The following KHDRBS2 variants were observed in gnomAD, a reference collection of about 807,000 sequenced individuals.
KHDRBS2 encodes the protein KH domain-containing, RNA-binding, signal transduction-associated protein 2.
Under a neutral mutation model 44.3 loss-of-function variants are expected in KHDRBS2, and 26 were observed. The ratio of observed to expected loss-of-function variants is 0.59; its 90% CI spans 0.43 to 0.81. The LOEUF (loss-of-function observed/expected upper bound fraction) is 0.81. Among genes scored for constraint, KHDRBS2 ranks in the 40% least tolerant of loss-of-function variants. The pLI is 0.00. For synonymous variants in KHDRBS2, 194 were observed against 151.1 expected (o/e 1.28, Z -2.08); for missense variants, 476 against 433.1 (o/e 1.10, Z -0.88).
At chr6:61,739,770 A>T (rs1775886871) in intron 6 of KHDRBS2, among the ~76,000 whole-genome samples, 1 of 151,942 alleles carries the variant, frequency 6.6e-6, no homozygotes, top group Non-Finnish European at 1.5e-5. Flanking sequence ...TAGCACTGAA[A>T]ACAGACTTGG....
chr6:62,217,630 T>A (rs1387355990), intron 1 of KHDRBS2, among the ~76,000 whole-genome samples: 13 of 151,864 alleles, frequency 8.6e-5, no homozygotes, highest in African/African-American at 3.1e-4. Context: ...TTAGGCTACA[T>A]TTTCTTGAAA....
intron 2 of KHDRBS2, among the ~76,000 whole-genome samples, chr6:62,109,750 G>C (rs1469869160): frequency 2.0e-5 from 3 of 149,206 alleles, no homozygotes; most frequent in East Asian, 3.9e-4. Flanking sequence ...GGGAGAAGAA[G>C]AAGGAGAAGG....
intron 6 of KHDRBS2, among the ~76,000 whole-genome samples, chr6:61,853,494 G>GACAAAA (rs1169804123): frequency 6.6e-6 from 1 of 152,094 alleles, no homozygotes; most frequent in Non-Finnish European, 1.5e-5. Context: ...ATCTTAATGA[G>GACAAAA]GACTTTTGTC....
chr6:61,663,184 G>T, the KHDRBS2 span, among the ~76,000 whole-genome samples: 1 of 143,570 alleles, frequency 7.0e-6, no homozygotes, highest in Non-Finnish European at 1.5e-5. Flanking sequence ...CTCACTCATA[G>T]GTGGGAATTG....
intron 4 of KHDRBS2, among the ~76,000 whole-genome samples, chr6:61,968,836 G>A (rs1403401136): frequency 6.6e-6 from 1 of 151,912 alleles, no homozygotes; most frequent in Non-Finnish European, 1.5e-5. Context: ...CTGGCCTTTA[G>A]TATCCTCACT....
chr6:61,967,441 TGATA>T lies in KHDRBS2; in HGVS notation c.483+10621_483+10624del, dbSNP rs796882973. Reference sequence around the variant, plus strand: ...CAGATAGATAGACAGATGGATAGATTGATAGATTGATATAGATATAGATAGATAT... The same window carrying T: ...CAGATAGATAGACAGATGGATAGATTGATTGATATAGATATAGATAGATAT... On this transcript the variant is annotated intron_variant, in intron 4 of 8. Transcript: ENST00000281156. 1.5e-4 allele frequency among the ~76,000 whole-genome samples: 23 copies of T among 151,984 alleles called. 1 individual carries two copies. The highest frequency in any genetic ancestry group is 4.6e-4 in the African/African-American group (19 of 41,512).
At chr6:61,979,593 C>G (rs1224904276) in intron 3 of KHDRBS2, among the ~76,000 whole-genome samples, 1 of 152,068 alleles carries the variant, frequency 6.6e-6, no homozygotes, top group Non-Finnish European at 1.5e-5. Flanking sequence ...TACCCTTCAC[C>G]TACTCAAATA....
chr6:61,627,248 G>A, the KHDRBS2 span, among the ~76,000 whole-genome samples: 36 of 59,236 alleles, frequency 6.1e-4, no homozygotes, highest in African/African-American at 2.1e-3. Flanking sequence ...GCGAGACTCC[G>A]TCTCAAAAAA....
At chr6:61,547,483 A>C in the KHDRBS2 span, among the ~76,000 whole-genome samples, 1 of 152,100 alleles carries the variant, frequency 6.6e-6, no homozygotes, top group Non-Finnish European at 1.5e-5. Flanking sequence ...GGACCCAGCT[A>C]ACAAATTTAA....
intron 1 of KHDRBS2, among the ~76,000 whole-genome samples, chr6:62,243,441 A>T (rs1479375378): frequency 2.0e-5 from 3 of 152,082 alleles, no homozygotes; most frequent in African/African-American, 7.2e-5. Context: ...ATCTAAAATC[A>T]AAATGATCAC....
chr6:61,946,629 A>T (rs1813419632), intron 4 of KHDRBS2, among the ~76,000 whole-genome samples: 1 of 152,156 alleles, frequency 6.6e-6, no homozygotes, highest in African/African-American at 2.4e-5. Context: ...TGGGCTAGAG[A>T]GGATAAGCCA....
chr6:61,824,030 A>AT (rs1171548186), intron 6 of KHDRBS2, among the ~76,000 whole-genome samples: 7 of 152,070 alleles, frequency 4.6e-5, no homozygotes, highest in South Asian at 2.1e-4. Context: ...CCAAAAGAAA[A>AT]TTTTTTAATT....
At chr6:61,818,022 T>C (rs1000717448) in intron 6 of KHDRBS2, among the ~76,000 whole-genome samples, 2 of 151,928 alleles carry the variant, frequency 1.3e-5, no homozygotes, top group African/African-American at 2.4e-5. Flanking sequence ...ACATCTCCCG[T>C]CTTAAAACCC....
chr6:61,906,176 G>C (rs962250281), intron 4 of KHDRBS2, among the ~76,000 whole-genome samples: 2 of 151,760 alleles, frequency 1.3e-5, no homozygotes, highest in African/African-American at 4.8e-5. Context: ...CCAAATCTAG[G>C]GATAGCTGAA....
At chr6:62,276,620 T>G (rs1840979584) in intron 1 of KHDRBS2, among the ~76,000 whole-genome samples, 1 of 152,252 alleles carries the variant, frequency 6.6e-6, no homozygotes, top group Non-Finnish European at 1.5e-5. Context: ...TTCAATTCTA[T>G]ACTAAGGTAA....
intron 1 of KHDRBS2, among the ~76,000 whole-genome samples, chr6:62,178,635 C>T (rs1474336350): frequency 6.6e-6 from 1 of 151,516 alleles, no homozygotes; most frequent in East Asian, 1.9e-4. Context: ...GTAGTTACAA[C>T]TACAGTCATC....
intron 6 of KHDRBS2, among the ~76,000 whole-genome samples, chr6:61,803,128 C>T (rs1786551969): frequency 1.3e-5 from 2 of 152,138 alleles, no homozygotes; most frequent in Non-Finnish European, 2.9e-5. Flanking sequence ...AATCATGATG[C>T]CTTGCTTCCT....
intron 1 of KHDRBS2, among the ~76,000 whole-genome samples, chr6:62,265,638 A>C (rs1839080386): frequency 6.6e-6 from 1 of 152,026 alleles, no homozygotes; most frequent in Non-Finnish European, 1.5e-5. Flanking sequence ...TAAATATTAC[A>C]ATAGTAAAAT....
At chr6:62,082,399 G>C (rs891897144) in intron 2 of KHDRBS2, among the ~76,000 whole-genome samples, 4 of 151,486 alleles carry the variant, frequency 2.6e-5, no homozygotes, top group African/African-American at 9.7e-5. Context: ...GCACATTTAT[G>C]ATAAAGTGGT....
Sources: gnomAD v4.1 joint callset for allele counts (sites outside exome capture counted in the v4.1 genomes callset) on GRCh38, gnomAD v4.1.1 for gene constraint, MANE v1.5 for transcripts, NCBI Gene and HGNC (gene_info 2026-07-23, HGNC 2026-07-21) for gene names.